Variants in ANK2 observed in about 807,000 individuals in gnomAD.
ANK2 encodes ankyrin 2.
ANK2 carries 83 observed loss-of-function variants against 360.5 expected under a neutral mutation model. That is an observed-to-expected ratio of 0.23 (90% CI 0.19 to 0.28). The LOEUF is 0.28. Ranked by LOEUF, ANK2 falls within the 10% of genes least tolerant of loss-of-function variation. ANK2 has a pLI of 1.00. For missense variants in ANK2, 4,201 were observed against 4,795.7 expected, an observed-to-expected ratio of 0.88 and a Z score of 3.66; for synonymous variants, 1,740 against 1,759.5, an observed-to-expected ratio of 0.99 and a Z score of 0.28.
chr4:113,085,352 C>T (rs1322229241), intron 1 of ANK2, among the ~76,000 whole-genome samples: 1 of 151,650 alleles, frequency 6.6e-6, no homozygotes, highest in East Asian at 1.9e-4. Context: ...CTCACTCTGT[C>T]GCCCAGGCTG....
chr4:113,003,589 T>C (rs893874318), intron 2 of ANK2, among the ~76,000 whole-genome samples: 2 of 152,168 alleles, frequency 1.3e-5, no homozygotes, highest in African/African-American at 2.4e-5. Flanking sequence ...TGGATACATA[T>C]GAAGATTGAC....
chr4:112,888,933 G>C (rs769379866), intron 1 of ANK2, among the ~76,000 whole-genome samples: 7 of 152,122 alleles, frequency 4.6e-5, no homozygotes, highest in Non-Finnish European at 1.0e-4. Context: ...TGTTAACTCT[G>C]GTGGGTTTTC....
chr4:112,919,509 A>G lies in ANK2; in HGVS notation c.21+14995A>G, dbSNP rs114614424. ...TTTAATATAATTAATGTATATACTA[A>G]TTTTCATGTATGTTTATTTTTAATG... On this transcript the variant is annotated intron_variant, in intron 2 of 30. Transcript: ENST00000503271. 9.6e-3 allele frequency among the ~76,000 whole-genome samples: 1,457 copies of G among 152,160 alleles called. 14 individuals carry two copies. The highest frequency in any genetic ancestry group is 0.025 in the African/African-American group (1,028 of 41,532).
intron 2 of ANK2, among the ~76,000 whole-genome samples, chr4:112,983,772 A>G (rs1388804575): frequency 5.3e-5 from 8 of 152,184 alleles, no homozygotes; most frequent in African/African-American, 1.9e-4. Context: ...CTTGATGAAT[A>G]AAATAGAAGG....
intron 26 of ANK2, among the ~76,000 whole-genome samples, chr4:113,326,335 G>C (rs145359401): frequency 6.6e-6 from 1 of 152,186 alleles, no homozygotes; most frequent in East Asian, 1.9e-4. Context: ...CTTTTCATCA[G>C]CACCTAGCTA....
chr4:113,247,634 A>G (rs927026474), intron 9 of ANK2, among the ~76,000 whole-genome samples: 1 of 152,208 alleles, frequency 6.6e-6, no homozygotes, highest in Non-Finnish European at 1.5e-5. Flanking sequence ...TCATCTTTCA[A>G]ACAAGGCTTG....
chr4:113,013,307 T>C (rs551592390), intron 2 of ANK2, among the ~76,000 whole-genome samples: 1 of 152,330 alleles, frequency 6.6e-6, no homozygotes, highest in East Asian at 1.9e-4. Context: ...TCCATCTGAC[T>C]CTTCCAAGAG....
intron 2 of ANK2, among the ~76,000 whole-genome samples, chr4:112,986,874 G>C (rs941188159): frequency 6.6e-6 from 1 of 152,080 alleles, no homozygotes; most frequent in African/African-American, 2.4e-5. Flanking sequence ...ACTTAACTTT[G>C]ACACCTTAGA....
At chr4:112,871,923 C>G (rs2073189928) in intron 1 of ANK2, among the ~76,000 whole-genome samples, 1 of 151,964 alleles carries the variant, frequency 6.6e-6, no homozygotes, top group African/African-American at 2.4e-5. Flanking sequence ...ATAAACTGAC[C>G]TTGTATTCCT....
At chr4:113,002,980 G>A (rs1013340363) in intron 2 of ANK2, among the ~76,000 whole-genome samples, 9 of 152,122 alleles carry the variant, frequency 5.9e-5, no homozygotes. Context: ...TCATCCTTCA[G>A]GTGACATTCT....
intron 1 of ANK2, among the ~76,000 whole-genome samples, chr4:113,099,899 T>A (rs1417173716): frequency 6.6e-6 from 1 of 152,050 alleles, no homozygotes; most frequent in Non-Finnish European, 1.5e-5. Context: ...CAAATGGTGC[T>A]GGAATAACTG....
the ANK2 span, chr4:112,797,538 A>AT: frequency 5.8e-6 from 1 of 171,868 alleles, no homozygotes; most frequent in Non-Finnish European, 1.4e-5. Flanking sequence ...TTCCTTCACT[A>AT]TTTTTGGGAA....
intron 1 of ANK2, among the ~76,000 whole-genome samples, chr4:113,122,948 C>A (rs2095455010): frequency 1.3e-5 from 2 of 151,188 alleles, no homozygotes; most frequent in South Asian, 4.1e-4. Flanking sequence ...TAAAGAACTT[C>A]TTTTGACCAT....
chr4:113,050,153 AAG>A (rs1433897447), intron 1 of ANK2, among the ~76,000 whole-genome samples: 5 of 151,872 alleles, frequency 3.3e-5, no homozygotes, highest in African/African-American at 9.7e-5. Context: ...GTGTAAAAGG[AAG>A]AGTGTTAAGC....
chr4:113,213,037 T>G (rs1003593361), intron 4 of ANK2, among the ~76,000 whole-genome samples: 2 of 152,218 alleles, frequency 1.3e-5, no homozygotes, highest in African/African-American at 2.4e-5. Context: ...GTATAGACAT[T>G]GATCTCCTAC....
intron 4 of ANK2, among the ~76,000 whole-genome samples, chr4:113,231,849 C>T (rs929733993): frequency 6.6e-6 from 1 of 152,170 alleles, no homozygotes; most frequent in African/African-American, 2.4e-5. Context: ...ATCCACCCGC[C>T]TCAGACTCCC....
chr4:113,029,486 CT>C (rs2059952538), intron 2 of ANK2, among the ~76,000 whole-genome samples: 1 of 152,224 alleles, frequency 6.6e-6, no homozygotes, highest in East Asian at 1.9e-4. Context: ...CCACCTCACC[CT>C]CCCAAAGTGC....
chr4:113,002,260 C>T (rs2051013731), intron 2 of ANK2, among the ~76,000 whole-genome samples: 2 of 152,120 alleles, frequency 1.3e-5, no homozygotes, highest in Non-Finnish European at 2.9e-5. Context: ...GACACATGCA[C>T]ACGTATGTTT....
rs1294883674 is a variant in ANK2, at chr4:113,358,707, T to C, written c.10089T>C (p.Asp3363=). Residue 3363 remains aspartate, a synonymous_variant, in exon 38 of 46, where the codon GAT becomes GAC. Coordinates refer to ENST00000357077, the MANE Select transcript of ANK2 (RefSeq NM_001148.6). ...AAAGAGTTGAACAGCAGCTCTCAGA[T>C]CTAGACACCTCTGTCCAGAAGACAG... ...PLQRVEQQLS[D]LDTSVQKTVA... is the part of the protein sequence containing the mutation. 1 of 1,613,854 alleles carries C rather than the reference T, an allele frequency of 6.2e-7. No homozygotes were observed. Among genetic ancestry groups the C allele is most frequent in the Non-Finnish European group, 8.5e-7 (1 of 1,179,950 alleles).
Sources: gnomAD v4.1 joint callset for allele counts (sites outside exome capture counted in the v4.1 genomes callset) on GRCh38, gnomAD v4.1.1 for gene constraint, MANE v1.5 for transcripts, NCBI Gene and HGNC (gene_info 2026-07-23, HGNC 2026-07-21) for gene names.